The following GRM7 variants were observed in gnomAD, a reference collection of about 807,000 sequenced individuals.
The protein encoded by GRM7 is metabotropic glutamate receptor 7.
Under a neutral mutation model 84.5 loss-of-function variants are expected in GRM7, and 35 were observed. The ratio of observed to expected loss-of-function variants is 0.41; its 90% CI spans 0.32 to 0.55. The LOEUF is 0.55. Among genes scored for constraint, GRM7 ranks in the 20% least tolerant of loss-of-function variants. GRM7 has a pLI of 0.19. For missense variants in GRM7, 1,003 were observed against 1,194.6 expected, an observed-to-expected ratio of 0.84 and a Z score of 2.36; for synonymous variants, 487 against 455.1, an observed-to-expected ratio of 1.07 and a Z score of -0.89.
At chr3:6,994,488 G>A (rs1263492209) in intron 1 of GRM7, among the ~76,000 whole-genome samples, 1 of 152,164 alleles carries the variant, frequency 6.6e-6, no homozygotes, top group Admixed American at 6.5e-5. Context: ...TCCACAGGAG[G>A]GAGACACTAC....
intron 4 of GRM7, among the ~76,000 whole-genome samples, chr3:7,367,938 CAA>C (rs56856057): frequency 0.086 from 10,822 of 126,056 alleles, 417 homozygotes; most frequent in Non-Finnish European, 0.097. Flanking sequence ...CATTAATCCT[CAA>C]AAAAAAAAAA....
chr3:7,229,759 A>ATTTTTTTTTTTTTTTTTT (rs1200808989), intron 2 of GRM7, among the ~76,000 whole-genome samples: 1 of 30,438 alleles, frequency 3.3e-5, no homozygotes, highest in African/African-American at 1.3e-4. Context: ...ATATATATAT[A>ATTTTTTTTTTTTTTTTTT]TTTTTTTTTT....
At chr3:6,995,042 G>A (rs1299488125) in intron 1 of GRM7, among the ~76,000 whole-genome samples, 1 of 152,092 alleles carries the variant, frequency 6.6e-6, no homozygotes, top group East Asian at 1.9e-4. Context: ...TTCAGAGTTG[G>A]TACACCACTT....
At chr3:7,117,741 T>C (rs775657025) in intron 1 of GRM7, among the ~76,000 whole-genome samples, 8 of 152,202 alleles carry the variant, frequency 5.3e-5, no homozygotes, top group Non-Finnish European at 1.2e-4. Context: ...AGCAAATCCT[T>C]AGTCAATCGA....
Position 7,415,153 on chromosome 3 carries a change from C to G in GRM7, c.1164C>G (p.Arg388=), listed in dbSNP as rs2125180398. 6.2e-7 allele frequency: 1 copy of G among 1,612,662 alleles called. No individual in the cohort carries two copies. Among genetic ancestry groups the G allele is most frequent in the Non-Finnish European group, 8.5e-7 (1 of 1,178,888 alleles). Residue 388 remains arginine, a synonymous_variant, in exon 5 of 10, where the codon CGC becomes CGG. Coordinates refer to ENST00000357716, the MANE Select transcript of GRM7 (RefSeq NM_000844.4). The stretch of plus-strand genomic sequence containing the variant: ...GGTCAAAAAAAGAAGACACAGATCG[C>G]AAATGCACAGGTAATTTAATTCTCG... The part of the protein sequence containing the change: ...ISGSKKEDTD[R]KCTGQERIGK...
chr3:7,330,478 C>A (rs985359936), intron 4 of GRM7, among the ~76,000 whole-genome samples: 1 of 152,128 alleles, frequency 6.6e-6, no homozygotes, highest in Non-Finnish European at 1.5e-5. Context: ...TGTTCCCACC[C>A]AAATCTTATC....
At chr3:7,110,041 A>G (rs1156737273) in intron 1 of GRM7, among the ~76,000 whole-genome samples, 1 of 152,140 alleles carries the variant, frequency 6.6e-6, no homozygotes. Context: ...TATAAATGAC[A>G]ATTTAAAAAA....
At chr3:7,199,643 A>G (rs1035487430) in intron 2 of GRM7, among the ~76,000 whole-genome samples, 12 of 152,184 alleles carry the variant, frequency 7.9e-5, no homozygotes, top group African/African-American at 1.2e-4. Flanking sequence ...TTCCACTGGC[A>G]TCTAGTTGGG....
At chr3:7,414,974 T>G (rs1337838348) in intron 4 of GRM7, 49 bp from the exon 5 acceptor site, 1 of 1,484,030 alleles carries the variant, frequency 6.7e-7, no homozygotes, top group Non-Finnish European at 9.2e-7. Context: ...TTTCTGAATG[T>G]GCCAGCAGTG....
At chr3:6,879,913 G>A (rs1028324262) in intron 1 of GRM7, among the ~76,000 whole-genome samples, 31 of 152,162 alleles carry the variant, frequency 2.0e-4, no homozygotes, top group African/African-American at 7.2e-4. Flanking sequence ...CTCACCTCTG[G>A]TGTGTCACTG....
chr3:6,870,013 C>A (rs987051055), intron 1 of GRM7, among the ~76,000 whole-genome samples: 6 of 152,006 alleles, frequency 3.9e-5, no homozygotes, highest in Admixed American at 3.9e-4. Flanking sequence ...TTCTCCTTTC[C>A]TCTTCTTTTT....
intron 5 of GRM7, among the ~76,000 whole-genome samples, chr3:7,429,360 AATTGAAATAT>A (rs1373269760): frequency 6.6e-6 from 1 of 152,190 alleles, no homozygotes; most frequent in Non-Finnish European, 1.5e-5. Context: ...ATTTTTGGAC[AATTGAAATAT>A]ATTGCTAAGC....
At chr3:7,206,473 A>C (rs764466673) in intron 2 of GRM7, among the ~76,000 whole-genome samples, 4 of 152,222 alleles carry the variant, frequency 2.6e-5, no homozygotes, top group Non-Finnish European at 5.9e-5. Flanking sequence ...AAAGGAAATC[A>C]AGTATTGTAA....
chr3:7,182,228 A>G (rs1284371091), intron 2 of GRM7, among the ~76,000 whole-genome samples: 2 of 152,184 alleles, frequency 1.3e-5, no homozygotes, highest in Non-Finnish European at 2.9e-5. Flanking sequence ...ATGCAAAAAA[A>G]ACTATTAAAA....
intron 1 of GRM7, among the ~76,000 whole-genome samples, chr3:6,918,212 A>G (rs542022721): frequency 6.6e-6 from 1 of 152,338 alleles, no homozygotes; most frequent in African/African-American, 2.4e-5. Context: ...TCTGTGAGCT[A>G]GACAAGGACT....
intron 1 of GRM7, among the ~76,000 whole-genome samples, chr3:7,097,366 T>A (rs1437573167): frequency 1.3e-5 from 2 of 152,150 alleles, no homozygotes; most frequent in Non-Finnish European, 2.9e-5. Context: ...GATACTAGTT[T>A]CTTGTAACAA....
Position 7,432,877 on chromosome 3 carries a change from G to A in GRM7, c.1174+17714G>A, listed in dbSNP as rs1409830426. 3.9e-5 allele frequency among the ~76,000 whole-genome samples: 6 copies of A among 152,160 alleles called. No individual in the cohort carries two copies. In the East Asian group the frequency reaches 1.2e-3, roughly 29 times the overall value. On this transcript the variant is annotated intron_variant, in intron 5 of 9. Transcript: ENST00000357716. ...ACAGCAAATATGGAAGTGTATGGAG[G>A]ATAAGGGAGTTAATGCAACACTAAT...
chr3:7,439,067 C>A lies in GRM7; in HGVS notation c.1175-13540C>A, dbSNP rs117928305. Among the ~76,000 whole-genome samples the A allele has an allele frequency of 3.4e-3, 518 of 152,092 alleles. 4 individuals are homozygous for A. The highest frequency in any genetic ancestry group is 9.7e-3 in the Admixed American group (148 of 15,274). ...AATGTCATTAAAATGAATAAAATTG[C>A]CCAGGAAGGAGTGAGTGTGAGAAGG... is the stretch of plus-strand genomic sequence containing the variant. On this transcript the variant is annotated intron_variant, in intron 5 of 9. Transcript: ENST00000357716.
intron 1 of GRM7, among the ~76,000 whole-genome samples, chr3:7,092,821 T>A (rs187846588): frequency 6.6e-6 from 1 of 152,206 alleles, no homozygotes; most frequent in Non-Finnish European, 1.5e-5. Flanking sequence ...CCTTGGCTCA[T>A]GCCTGTAATC....
Sources: gnomAD v4.1 joint callset for allele counts (sites outside exome capture counted in the v4.1 genomes callset) on GRCh38, gnomAD v4.1.1 for gene constraint, MANE v1.5 for transcripts, NCBI Gene and HGNC (gene_info 2026-07-23, HGNC 2026-07-21) for gene names.